LRRC49: variants seen among roughly 807,000 people sequenced by gnomAD.
LRRC49 encodes the protein leucine rich repeat containing 49, also known as leucine-rich repeat-containing protein 49.
A neutral mutation model predicts 83.3 loss-of-function variants in LRRC49; 50 were observed. That is an observed-to-expected ratio of 0.60 (90% CI 0.48 to 0.76). The LOEUF (loss-of-function observed/expected upper bound fraction) is 0.76, where lower values mean the gene tolerates loss of function less well. Ranked by LOEUF, LRRC49 falls within the 30% of genes least tolerant of loss-of-function variation. The probability of loss-of-function intolerance (pLI) is 0.00; values close to 1 mark genes in which losing one functional copy is unlikely to be tolerated. For missense variants in LRRC49, 704 were observed against 809.1 expected, an observed-to-expected ratio of 0.87 and a Z score of 1.58; for synonymous variants, 286 against 283.3, an observed-to-expected ratio of 1.01 and a Z score of -0.10.
intron 7 of LRRC49, among the ~76,000 whole-genome samples, chr15:70,932,672 G>A (rs908680268): frequency 1.3e-5 from 2 of 150,522 alleles, no homozygotes. Flanking sequence ...TATTCCCCAC[G>A]TGATCAGATT....
intron 1 of LRRC49, among the ~76,000 whole-genome samples, chr15:70,866,308 G>A (rs561807332): frequency 6.6e-6 from 1 of 151,934 alleles, no homozygotes; most frequent in East Asian, 1.9e-4. Context: ...CACCATGCCT[G>A]GCTAATTTTT....
chr15:70,941,494 G>C (rs1194125843), intron 8 of LRRC49, among the ~76,000 whole-genome samples: 1 of 143,490 alleles, frequency 7.0e-6, no homozygotes, highest in African/African-American at 2.6e-5. Flanking sequence ...GGGTAGTAGA[G>C]AGTAAAAAAA....
intron 1 of LRRC49, among the ~76,000 whole-genome samples, chr15:70,863,121 C>T (rs2032831270): frequency 6.6e-6 from 1 of 152,058 alleles, no homozygotes; most frequent in Admixed American, 6.6e-5. Flanking sequence ...CAATAGTGGC[C>T]CTGGTTCAGG....
At chr15:70,936,895 G>A (rs1236811616) in intron 8 of LRRC49, 73 bp downstream of exon 8, 2 of 937,406 alleles carry the variant, frequency 2.1e-6, no homozygotes, top group Non-Finnish European at 3.4e-6. Flanking sequence ...GATTAAGATT[G>A]TAAATACCTT....
chr15:70,908,809 A>G (rs2034426460), intron 5 of LRRC49: 1 of 152,254 alleles, frequency 6.6e-6, no homozygotes, highest in African/African-American at 2.4e-5. Flanking sequence ...CTGAACAAAG[A>G]TGAGGTTAGT....
At chr15:70,981,887 T>G (rs989557410) in intron 10 of LRRC49, among the ~76,000 whole-genome samples, 3 of 132,308 alleles carry the variant, frequency 2.3e-5, no homozygotes, top group Admixed American at 9.7e-5. Flanking sequence ...TTCTTTTGCT[T>G]CTTCTTTTTT....
chr15:70,877,044 C>T (rs557730923), intron 2 of LRRC49, among the ~76,000 whole-genome samples: 1 of 152,160 alleles, frequency 6.6e-6, no homozygotes, highest in South Asian at 2.1e-4. Flanking sequence ...CGTGTCTCTA[C>T]TGACTTTTTC....
At chr15:70,996,802 A>T (rs911914137) in intron 11 of LRRC49, among the ~76,000 whole-genome samples, 4 of 152,140 alleles carry the variant, frequency 2.6e-5, no homozygotes, top group Non-Finnish European at 4.4e-5. Flanking sequence ...TGCAACTTCT[A>T]TCAGCTACAC....
In LRRC49 at chr15:71,008,380, C is replaced by T; in HGVS notation, c.1171C>T (p.Pro391Ser). 1.2e-6 allele frequency: 2 copies of T among 1,601,564 alleles called. No individual in the cohort carries two copies. Among genetic ancestry groups the T allele is most frequent in the African/African-American group, 1.3e-5 (1 of 74,744 alleles). ...AAAATTATACTTTGGGTTTTCCAGG[C>T]CTCTAGACTCAGGACTCAACAATGC... The part of the protein sequence containing the change: ...TLSAFPEETG[P>S]LDSGLNNALQ... The change falls in exon 12 of 16, where the codon CCT becomes TCT. Residue 391 changes from proline to serine, a missense_variant and splice_region_variant. Pro to Ser is a moderately conservative substitution (Grantham distance 74, BLOSUM62 -1). This residue lies in a region of LRRC49 where 168 missense variants were observed against 140.6 expected (regional missense o/e 1.20). Coordinates refer to ENST00000260382, the MANE Select transcript of LRRC49 (RefSeq NM_017691.5).
At position 71,049,533 on chromosome 15, in the gene LRRC49, T is replaced by G. The variant is rs2039957454; in HGVS notation, c.1982T>G (p.Val661Gly). The G allele has an allele frequency of 6.2e-7, 1 of 1,613,802 alleles. No homozygotes were observed. The highest frequency in any genetic ancestry group is 8.5e-7 in the Non-Finnish European group (1 of 1,179,816). ...KLWPQMFIEL[V>G]RDAVIEIRNK... ...TGGCCACAGATGTTCATTGAGCTTG[T>G]TAGGGATGCAGTCATAGAAATTCGC... Residue 661 changes from valine (V) to glycine (G), a missense_variant, in exon 16 of 16, where the codon GTT becomes GGT. Physicochemically the swap from Val to Gly is moderately radical, Grantham distance 109. This residue lies in a region of LRRC49 where 275 missense variants were observed against 338.0 expected (regional missense o/e 0.81). Coordinates refer to ENST00000260382, the MANE Select transcript of LRRC49 (RefSeq NM_017691.5).
intron 15 of LRRC49, among the ~76,000 whole-genome samples, chr15:71,041,610 A>T (rs1184680094): frequency 6.6e-6 from 1 of 152,206 alleles, no homozygotes; most frequent in African/African-American, 2.4e-5. Context: ...TGAAGCATAC[A>T]AAAGATTTAT....
intron 11 of LRRC49, among the ~76,000 whole-genome samples, chr15:71,001,313 T>C (rs2141251466): frequency 6.6e-6 from 1 of 152,322 alleles, no homozygotes; most frequent in Non-Finnish European, 1.5e-5. Context: ...TGTGAGACTT[T>C]TGTTGGCAGT....
At chr15:70,872,308 T>A (rs968704671) in intron 1 of LRRC49, among the ~76,000 whole-genome samples, 76 of 151,950 alleles carry the variant, frequency 5.0e-4, no homozygotes, top group African/African-American at 1.8e-3. Flanking sequence ...GGCAGGAGAA[T>A]CAGGCAGGGA....
At position 71,052,736 on chromosome 15, in the gene LRRC49, G is replaced by A. The variant is rs1034500105; in HGVS notation, c.*3124G>A. 1 of 152,008 alleles carries A rather than the reference G, an allele frequency of 6.6e-6. No individual in the cohort carries two copies. The highest frequency in any genetic ancestry group is 1.5e-5 in the Non-Finnish European group (1 of 68,022). The allele number at this position is 152,008 out of a possible 1,614,324, so 9.4% of individuals were successfully genotyped here. A position where few individuals can be genotyped will look rare whatever the true frequency, so the allele number is the denominator to read the frequency against. ...TGATAGCAATCCCATTTGAACACTA[G>A]AAAACTGAGGCATAGAGAGGATGAA... On this transcript the variant is annotated 3_prime_UTR_variant, in exon 16 of 16. Coordinates refer to ENST00000260382, the MANE Select transcript of LRRC49 (RefSeq NM_017691.5).
intron 6 of LRRC49, among the ~76,000 whole-genome samples, chr15:70,912,690 T>A (rs972250723): frequency 2.6e-5 from 4 of 152,034 alleles, no homozygotes; most frequent in Non-Finnish European, 4.4e-5. Flanking sequence ...TATTTATTTA[T>A]TTTTGAGACG....
intron 8 of LRRC49, among the ~76,000 whole-genome samples, chr15:70,947,517 A>G (rs975355351): frequency 6.6e-6 from 1 of 152,238 alleles, no homozygotes; most frequent in African/African-American, 2.4e-5. Context: ...CTTTTGGAAA[A>G]GCCAACAGCT....
At chr15:70,989,409 T>C (rs1212333801) in intron 11 of LRRC49, among the ~76,000 whole-genome samples, 2 of 152,218 alleles carry the variant, frequency 1.3e-5, no homozygotes. Context: ...ATATCCTTTC[T>C]TCCAGTTGAT....
chr15:70,880,248 C>G (rs74954201), intron 2 of LRRC49, among the ~76,000 whole-genome samples: 4,418 of 152,294 alleles, frequency 0.029, 215 homozygotes, highest in African/African-American at 0.1. Context: ...CCTCTCCCCC[C>G]ACCTCAATTA....
chr15:70,896,325 A>G (rs900548495), intron 3 of LRRC49, among the ~76,000 whole-genome samples: 4 of 152,152 alleles, frequency 2.6e-5, no homozygotes, highest in African/African-American at 9.6e-5. Context: ...TGTTACTGTC[A>G]CATATAATTA....
Sources: gnomAD v4.1 joint callset for allele counts (sites outside exome capture counted in the v4.1 genomes callset) on GRCh38, gnomAD v4.1.1 for gene constraint, gnomAD v4.1.1 regional missense constraint, MANE v1.5 for transcripts, NCBI Gene and HGNC (gene_info 2026-07-23, HGNC 2026-07-21) for gene names.